MYOM1: variants seen among roughly 807,000 people sequenced by gnomAD.
The protein encoded by MYOM1 is myomesin-1.
A neutral mutation model predicts 205.3 loss-of-function variants in MYOM1; 164 were observed. The ratio of observed to expected loss-of-function variants is 0.80; its 90% CI spans 0.70 to 0.91. MYOM1 has a LOEUF of 0.91. Among genes scored for constraint, MYOM1 ranks in the 40% least tolerant of loss-of-function variants. The pLI, the probability that MYOM1 is intolerant of heterozygous loss-of-function variation, is 0.00. For missense variants in MYOM1, 2,011 were observed against 2,127.3 expected (o/e 0.95, Z 1.08); for synonymous variants, 772 against 789.4 (o/e 0.98, Z 0.37).
chr18:3,070,736 TTG>T (rs57044157), intron 37 of MYOM1, among the ~76,000 whole-genome samples: 11,552 of 146,084 alleles, frequency 0.079, 495 homozygotes, highest in South Asian at 0.1. Flanking sequence ...TGCATGTTCT[TTG>T]TGTGTGTGTG....
chr18:3,099,449 C>T (rs1194866337), intron 25 of MYOM1, among the ~76,000 whole-genome samples: 1 of 152,132 alleles, frequency 6.6e-6, no homozygotes, highest in Admixed American at 6.5e-5. Flanking sequence ...TGGGTGTATA[C>T]TATCACTTTC....
At chr18:3,237,213 C>G in the MYOM1 span, among the ~76,000 whole-genome samples, 2 of 152,074 alleles carry the variant, frequency 1.3e-5, no homozygotes, top group Non-Finnish European at 2.9e-5. Flanking sequence ...CTCACAATAG[C>G]TAAAATGTAG....
At position 3,126,888 on chromosome 18, in the gene MYOM1, G is replaced by A; in HGVS notation, c.2804C>T (p.Ser935Phe). Residue 935 changes from serine (S) to phenylalanine (F), a missense_variant, in exon 19 of 38, where the codon TCT becomes TTT. Physicochemically the swap from Ser to Phe is radical, Grantham distance 155 (BLOSUM62 -2). Coordinates refer to ENST00000356443, the MANE Select transcript of MYOM1 (RefSeq NM_003803.4). ...LKKKTDRAPP[S>F]PPCDITCLES... ...AAGACAGGTGATATCACAGGGTGGAGATGGTGGTGCTGTAGCAATATGAAT... is the reference window on the plus strand; with the variant it reads ...AAGACAGGTGATATCACAGGGTGGAAATGGTGGTGCTGTAGCAATATGAAT... 1 of 1,608,994 alleles carries A rather than the reference G, an allele frequency of 6.2e-7. No homozygotes were observed. Among genetic ancestry groups the A allele is most frequent in the South Asian group, 1.1e-5 (1 of 89,932 alleles).
At chr18:3,136,690 C>G (rs147912522) in intron 14 of MYOM1, among the ~76,000 whole-genome samples, 116 of 152,278 alleles carry the variant, frequency 7.6e-4, no homozygotes, top group Middle Eastern at 3.4e-3. Flanking sequence ...CAGCCTCCCA[C>G]AGGCATGAGC....
chr18:3,090,866 C>G, intron 26 of MYOM1, 64 bp from the exon 27 acceptor site: 1 of 1,593,164 alleles, frequency 6.3e-7, no homozygotes, highest in Non-Finnish European at 8.6e-7. Context: ...GGAATGACAA[C>G]AAGCTTGATG....
intron 11 of MYOM1, 68 bp downstream of exon 11, chr18:3,154,879 G>A (rs2080271922): frequency 9.2e-6 from 14 of 1,514,088 alleles, no homozygotes; most frequent in Non-Finnish European, 1.3e-5. Flanking sequence ...CACTAGAAAT[G>A]ATGGGAGAAA....
intron 3 of MYOM1, among the ~76,000 whole-genome samples, chr18:3,191,293 G>A (rs1214215475): frequency 1.3e-5 from 2 of 152,304 alleles, no homozygotes; most frequent in East Asian, 3.9e-4. Context: ...AGAGGAAATG[G>A]TATTTTCCAG....
intron 2 of MYOM1, 120 bp downstream of exon 2, chr18:3,214,814 G>T: frequency 2.6e-6 from 3 of 1,149,398 alleles, no homozygotes; most frequent in African/African-American, 1.6e-5. Context: ...CAACAAGAGC[G>T]AAACTCTGTC....
intron 2 of MYOM1, among the ~76,000 whole-genome samples, chr18:3,208,674 G>A (rs2081155827): frequency 6.6e-6 from 1 of 152,104 alleles, no homozygotes; most frequent in Non-Finnish European, 1.5e-5. Context: ...ACAAACCTTA[G>A]AATATTGTAT....
At chr18:3,153,862 T>C (rs898090308) in intron 11 of MYOM1, among the ~76,000 whole-genome samples, 19 of 152,194 alleles carry the variant, frequency 1.2e-4, no homozygotes, top group Non-Finnish European at 2.6e-4. Flanking sequence ...AACAACGATC[T>C]GAATAGAAAC....
chr18:3,142,355 G>A (rs1442548233), intron 13 of MYOM1, among the ~76,000 whole-genome samples: 1 of 151,944 alleles, frequency 6.6e-6, no homozygotes, highest in Non-Finnish European at 1.5e-5. Flanking sequence ...CTGACCTTCT[G>A]GGCCCAAGTG....
chr18:3,149,077 T>G, intron 13 of MYOM1, 68 bp downstream of exon 13: 1 of 1,340,566 alleles, frequency 7.5e-7, no homozygotes. Context: ...CACTGCACCC[T>G]CCACAACAAA....
At chr18:3,092,701 T>C (rs1397984355) in intron 26 of MYOM1, among the ~76,000 whole-genome samples, 1 of 152,176 alleles carries the variant, frequency 6.6e-6, no homozygotes, top group Admixed American at 6.6e-5. Flanking sequence ...ATGAACTCTG[T>C]GATGCAATTC....
In MYOM1 at chr18:3,186,788, GAGAA is replaced by G. The variant is rs1352573616; in HGVS notation, c.929+688_929+691del. ...AGGAAAGGAAGGAAGGAAGGAGAGAGAGAAAGAAAGAAAGAGAAAGAAAGAAAGA... is the reference window on the plus strand; with the variant it reads ...AGGAAAGGAAGGAAGGAAGGAGAGAGAGAAAGAAAGAGAAAGAAAGAAAGA... On this transcript the variant is annotated intron_variant, in intron 5 of 37. Coordinates refer to ENST00000356443, the MANE Select transcript of MYOM1 (RefSeq NM_003803.4). 1.1e-3 allele frequency among the ~76,000 whole-genome samples: 111 copies of G among 105,082 alleles called. 1 individual carries two copies. The highest frequency in any genetic ancestry group is 4.3e-3 in the African/African-American group (97 of 22,822). 68.9% of individuals were successfully genotyped at this position (105,082 alleles called of 152,430 possible). A position where few individuals can be genotyped will look rare whatever the true frequency, so the allele number is the denominator to read the frequency against.
chr18:3,191,424 C>A (rs1430787556), intron 3 of MYOM1, among the ~76,000 whole-genome samples: 1 of 152,106 alleles, frequency 6.6e-6, no homozygotes, highest in African/African-American at 2.4e-5. Flanking sequence ...ATTTCCTTGT[C>A]CAAAACGTTG....
chr18:3,168,962 ACC>A lies in MYOM1; in HGVS notation c.1192_1193del (p.Gly398LeufsTer6). ...AGTGGATCTCAAACCGGGATGCATAACCATATGGGGTCACACCAACTGGGTAC... is the reference window on the plus strand; with the variant it reads ...AGTGGATCTCAAACCGGGATGCATAAATATGGGGTCACACCAACTGGGTAC... ...MPLSFGVTPYGYASRFEIHFD... is the reference protein window; with the variant it reads ...MPLSFGVTPYXYASRFEIHFD... On this transcript the variant is annotated frameshift_variant, in exon 9 of 38. Coordinates refer to ENST00000356443, the MANE Select transcript of MYOM1 (RefSeq NM_003803.4). LOFTEE classifies it high-confidence loss of function. 6.2e-7 allele frequency: 1 copy of A among 1,613,050 alleles called. No homozygotes were observed. The highest frequency in any genetic ancestry group is 1.3e-5 in the African/African-American group (1 of 75,004).
intron 21 of MYOM1, among the ~76,000 whole-genome samples, chr18:3,114,107 T>C (rs2079568195): frequency 6.6e-6 from 1 of 152,218 alleles, no homozygotes; most frequent in Admixed American, 6.5e-5. Context: ...CAGGAAACTG[T>C]GGATTTCCAG....
In MYOM1 at chr18:3,112,385, A is replaced by C; in HGVS notation, c.3331T>G (p.Tyr1111Asp). The C allele has an allele frequency of 1.2e-6, 2 of 1,610,614 alleles. No individual in the cohort carries two copies. Among genetic ancestry groups the C allele is most frequent in the South Asian group, 2.2e-5 (2 of 90,706 alleles). The change falls in exon 22 of 38, where the codon TAC becomes GAC. Residue 1111 changes from tyrosine (Y) to aspartate (D), a missense_variant. Tyr to Asp is a radical substitution (Grantham distance 160). Coordinates refer to ENST00000356443, the MANE Select transcript of MYOM1 (RefSeq NM_003803.4). ...TTTATGGCTCGAACACGGAACACGT[A>C]GCTGACGCCCTCCTTGAGGCCTCGA... ...KVRGLKEGVS[Y>D]VFRVRAINQA...
At chr18:3,072,700 G>A (rs935307385) in intron 36 of MYOM1, among the ~76,000 whole-genome samples, 1 of 149,680 alleles carries the variant, frequency 6.7e-6, no homozygotes, top group Non-Finnish European at 1.5e-5. Context: ...GTGTGTGTGT[G>A]GGGGGCGGTG....
Sources: allele counts gnomAD v4.1 joint callset (sites outside exome capture counted in the v4.1 genomes callset), GRCh38; gene constraint gnomAD v4.1.1; transcripts MANE v1.5; gene names NCBI Gene and HGNC (gene_info 2026-07-23, HGNC 2026-07-21).